SHISA6: variants seen among roughly 807,000 people sequenced by gnomAD.
SHISA6 encodes shisa family member 6, also known as protein shisa-6.
In SHISA6, 22 loss-of-function variants were observed where a neutral mutation model predicts 47.9. The observed-to-expected ratio is 0.46, with a 90% CI of 0.33 to 0.66. SHISA6 has a LOEUF of 0.66. SHISA6 is among the 30% of genes least tolerant of loss of function. The pLI, the probability that SHISA6 is intolerant of heterozygous loss-of-function variation, is 0.02. For synonymous variants in SHISA6, 388 were observed against 337.8 expected (o/e 1.15, Z -1.63); for missense variants, 680 against 764.6 (o/e 0.89, Z 1.30).
At chr17:11,315,018 G>A (rs1910459852) in intron 2 of SHISA6, among the ~76,000 whole-genome samples, 1 of 152,174 alleles carries the variant, frequency 6.6e-6, no homozygotes. Flanking sequence ...TGAGATTTTA[G>A]AAGGGGACAT....
intron 3 of SHISA6, among the ~76,000 whole-genome samples, chr17:11,450,165 G>A (rs563788019): frequency 6.6e-5 from 10 of 152,134 alleles, no homozygotes; most frequent in South Asian, 2.1e-4. Context: ...GATTACAGGC[G>A]TTGAGCCACC....
At chr17:11,315,686 T>A (rs1910485846) in intron 2 of SHISA6, among the ~76,000 whole-genome samples, 1 of 152,190 alleles carries the variant, frequency 6.6e-6, no homozygotes, top group Non-Finnish European at 1.5e-5. Context: ...ATATAACATA[T>A]TTTGATTTTC....
intron 2 of SHISA6, among the ~76,000 whole-genome samples, chr17:11,322,659 C>A (rs1910752231): frequency 6.6e-6 from 1 of 152,150 alleles, no homozygotes; most frequent in Admixed American, 6.5e-5. Context: ...TGCAAAAAAT[C>A]ATTCTCCTCT....
At chr17:11,459,882 G>A (rs1915652730) in intron 3 of SHISA6, among the ~76,000 whole-genome samples, 1 of 152,196 alleles carries the variant, frequency 6.6e-6, no homozygotes, top group African/African-American at 2.4e-5. Context: ...TGGTTGCAGA[G>A]AGCCCCAGCT....
At chr17:11,471,641 C>T (rs916940887) in intron 3 of SHISA6, among the ~76,000 whole-genome samples, 1 of 152,184 alleles carries the variant, frequency 6.6e-6, no homozygotes, top group East Asian at 1.9e-4. Context: ...TCATCTACTA[C>T]AGTCAGTAAT....
At chr17:11,286,428 G>A (rs1427377517) in intron 2 of SHISA6, among the ~76,000 whole-genome samples, 1 of 152,072 alleles carries the variant, frequency 6.6e-6, no homozygotes. Flanking sequence ...TACTTCCTCT[G>A]GGAAGCCCTC....
chr17:11,435,129 C>T (rs200899527), intron 3 of SHISA6, among the ~76,000 whole-genome samples: 5 of 151,508 alleles, frequency 3.3e-5, no homozygotes, highest in Non-Finnish European at 5.9e-5. Context: ...TTCTCTCTCT[C>T]TCTGTTTCCC....
At chr17:11,286,992 T>A (rs1331317191) in intron 2 of SHISA6, among the ~76,000 whole-genome samples, 2 of 152,254 alleles carry the variant, frequency 1.3e-5, no homozygotes, top group African/African-American at 2.4e-5. Context: ...TTCTGTTTTC[T>A]TGTTGAATAT....
intron 2 of SHISA6, among the ~76,000 whole-genome samples, chr17:11,339,216 T>TA (rs915887293): frequency 1.6e-4 from 25 of 151,562 alleles, no homozygotes; most frequent in African/African-American, 5.6e-4. Context: ...CCCTGGCCTG[T>TA]TATATGTGAT....
At position 11,558,058 on chromosome 17, in the gene SHISA6, G is replaced by T; in HGVS notation, c.1410G>T (p.Ser470=). ...AGCGGACGGCCTTTCCCGAGCAGTC[G>T]CTGTCCAGGGCCATCTCGCACACGG... ...SPERTAFPEQ[S]LSRAISHTDV... is the part of the protein sequence containing the mutation. The change falls in exon 6 of 6, where the codon TCG becomes TCT. Residue 470 remains serine (S), a synonymous_variant. Coordinates refer to ENST00000441885, the MANE Select transcript of SHISA6 (RefSeq NM_207386.4). 6.4e-7 allele frequency: 1 copy of T among 1,551,598 alleles called. No homozygotes were observed.
chr17:11,385,259 G>C (rs987851304), intron 3 of SHISA6, among the ~76,000 whole-genome samples: 1 of 152,154 alleles, frequency 6.6e-6, no homozygotes, highest in African/African-American at 2.4e-5. Flanking sequence ...GGGGAGAAGG[G>C]TCTTCCAGGT....
At chr17:11,255,869 T>A (rs1036196417) in intron 1 of SHISA6, among the ~76,000 whole-genome samples, 3 of 152,234 alleles carry the variant, frequency 2.0e-5, no homozygotes, top group African/African-American at 7.2e-5. Flanking sequence ...TTGTAGACAT[T>A]TGGATTTATT....
intron 3 of SHISA6, among the ~76,000 whole-genome samples, chr17:11,545,296 T>C (rs2071874479): frequency 6.6e-6 from 1 of 152,174 alleles, no homozygotes; most frequent in South Asian, 2.1e-4. Flanking sequence ...ATCCCAAAGT[T>C]AACATACTGT....
chr17:11,344,573 C>T (rs916429623), intron 2 of SHISA6, among the ~76,000 whole-genome samples: 2 of 151,990 alleles, frequency 1.3e-5, no homozygotes, highest in East Asian at 1.9e-4. Flanking sequence ...AATCAATGGC[C>T]GTAAATGTAA....
chr17:11,296,317 G>A (rs573770075), intron 2 of SHISA6, among the ~76,000 whole-genome samples: 1 of 152,302 alleles, frequency 6.6e-6, no homozygotes, highest in African/African-American at 2.4e-5. Flanking sequence ...TATAAGAGTA[G>A]TCCAAGGAAG....
intron 3 of SHISA6, among the ~76,000 whole-genome samples, chr17:11,519,690 G>A (rs2071612955): frequency 6.6e-6 from 1 of 152,084 alleles, no homozygotes. Flanking sequence ...AATAACAGCT[G>A]TAAATACCTG....
At chr17:11,432,351 T>C (rs1276684636) in intron 3 of SHISA6, among the ~76,000 whole-genome samples, 1 of 152,198 alleles carries the variant, frequency 6.6e-6, no homozygotes, top group Non-Finnish European at 1.5e-5. Flanking sequence ...CAATTATCTG[T>C]AAGTTCTGCT....
At chr17:11,352,471 A>G (rs1355401545) in intron 2 of SHISA6, among the ~76,000 whole-genome samples, 1 of 152,218 alleles carries the variant, frequency 6.6e-6, no homozygotes, top group Non-Finnish European at 1.5e-5. Context: ...AGTGACTTCA[A>G]GTGGACTGCA....
At chr17:11,449,092 A>G (rs1915312658) in intron 3 of SHISA6, among the ~76,000 whole-genome samples, 1 of 152,212 alleles carries the variant, frequency 6.6e-6, no homozygotes, top group African/African-American at 2.4e-5. Flanking sequence ...TGAAAGGTAC[A>G]TGAAGCATTG....
Sources: gnomAD v4.1 joint callset for allele counts (sites outside exome capture counted in the v4.1 genomes callset) on GRCh38, gnomAD v4.1.1 for gene constraint, MANE v1.5 for transcripts, NCBI Gene and HGNC (gene_info 2026-07-23, HGNC 2026-07-21) for gene names.